DSCAML1: variants seen among roughly 807,000 people sequenced by gnomAD.
The protein encoded by DSCAML1 is DS cell adhesion molecule like 1.
A neutral mutation model predicts 200.5 loss-of-function variants in DSCAML1; 38 were observed. That is an observed-to-expected ratio of 0.19 (90% CI 0.15 to 0.25). DSCAML1 has a LOEUF of 0.25. Ranked by LOEUF, DSCAML1 falls within the 10% of genes least tolerant of loss-of-function variation. DSCAML1 has a pLI of 1.00. For missense variants in DSCAML1, 2,223 were observed against 2,858.8 expected, an observed-to-expected ratio of 0.78 and a Z score of 5.07; for synonymous variants, 1,215 against 1,165.0, an observed-to-expected ratio of 1.04 and a Z score of -0.87.
chr11:117,627,590 C>G (rs905913952), intron 3 of DSCAML1, among the ~76,000 whole-genome samples: 1 of 152,168 alleles, frequency 6.6e-6, no homozygotes, highest in Non-Finnish European at 1.5e-5. Flanking sequence ...TAAAGCCCGT[C>G]TGCTGCCCGT....
chr11:117,796,669 G>C (rs957883062), intron 1 of DSCAML1, among the ~76,000 whole-genome samples: 2 of 152,216 alleles, frequency 1.3e-5, no homozygotes, highest in Admixed American at 6.5e-5. Context: ...AGGACCCCTC[G>C]ACTCGGAGGG....
chr11:117,477,388 G>A (rs913627808), intron 14 of DSCAML1, among the ~76,000 whole-genome samples: 63 of 133,026 alleles, frequency 4.7e-4, no homozygotes, highest in Non-Finnish European at 6.7e-4. Context: ...GTGTGTGTGT[G>A]TGTATGTGTG....
chr11:117,449,214 G>A (rs1014016663), intron 20 of DSCAML1, among the ~76,000 whole-genome samples: 4 of 152,154 alleles, frequency 2.6e-5, no homozygotes, highest in Non-Finnish European at 5.9e-5. Flanking sequence ...GGGCAGGCGG[G>A]AGCTGGAAGG....
intron 23 of DSCAML1, 51 bp from the exon 24 acceptor site, chr11:117,439,034 G>A (rs1219801891): frequency 1.3e-6 from 2 of 1,520,676 alleles, no homozygotes; most frequent in South Asian, 1.2e-5. Flanking sequence ...CCCTGTGATG[G>A]GGTGTGGGGA....
At chr11:117,563,720 AATTG>A (rs1591269362) in intron 3 of DSCAML1, among the ~76,000 whole-genome samples, 1 of 152,116 alleles carries the variant, frequency 6.6e-6, no homozygotes, top group Non-Finnish European at 1.5e-5. Flanking sequence ...CTCAAAGCGG[AATTG>A]ATTGAGAAAA....
intron 18 of DSCAML1, among the ~76,000 whole-genome samples, chr11:117,460,389 G>A (rs558574058): frequency 7.2e-5 from 11 of 152,252 alleles, no homozygotes; most frequent in Admixed American, 2.6e-4. Context: ...AGAGGGGACC[G>A]TAGTAGCGCT....
At chr11:117,598,679 T>C (rs2051407385) in intron 3 of DSCAML1, among the ~76,000 whole-genome samples, 1 of 152,078 alleles carries the variant, frequency 6.6e-6, no homozygotes. Flanking sequence ...ATTTCAGGGT[T>C]TGGGCTGGGT....
At position 117,780,592 on chromosome 11, in the gene DSCAML1, G is replaced by C; in HGVS notation, c.265C>G (p.Pro89Ala). The C allele has an allele frequency of 1.9e-6, 3 of 1,584,758 alleles. No individual in the cohort carries two copies. The highest frequency in any genetic ancestry group is 2.6e-6 in the Non-Finnish European group (3 of 1,163,872). The change falls in exon 2 of 33, where the codon CCC becomes GCC. Residue 89 changes from proline to alanine, a missense_variant. By Grantham distance (27) the Pro-to-Ala change is conservative. Transcript: ENST00000651296. The surrounding 1 kb of genome is among the most constrained non-coding windows in gnomAD (Gnocchi z 4.8). ...TGGATAAAGCTATTGAAGGCGGAGG[G>C]GGAGAAGGGGTAGAGCTGCAGCGTC... Reference protein sequence around the residue: ...NGTLQLYPFSPSAFNSFIHDN... With the variant: ...NGTLQLYPFSASAFNSFIHDN...
chr11:117,484,056 G>A (rs1014785194), intron 11 of DSCAML1, among the ~76,000 whole-genome samples: 3 of 92,696 alleles, frequency 3.2e-5, no homozygotes, highest in Non-Finnish European at 6.6e-5. Flanking sequence ...CCCTGCCCCG[G>A]CACCGTGTCT....
chr11:117,440,920 CAAAAAAAAAA>C (rs1170541792), intron 21 of DSCAML1, among the ~76,000 whole-genome samples: 19 of 41,094 alleles, frequency 4.6e-4, no homozygotes, highest in African/African-American at 1.5e-3. Context: ...GACTCTGTCT[CAAAAAAAAAA>C]AAAAAAAAAA....
chr11:117,699,240 G>T (rs2053630352), intron 3 of DSCAML1, among the ~76,000 whole-genome samples: 1 of 152,212 alleles, frequency 6.6e-6, no homozygotes, highest in Non-Finnish European at 1.5e-5. Flanking sequence ...TACCCAAGGT[G>T]GCAGGGAAGC....
At chr11:117,431,216 G>A (rs1273775970) in intron 31 of DSCAML1, among the ~76,000 whole-genome samples, 183 bp from the exon 32 acceptor site, 2 of 152,170 alleles carry the variant, frequency 1.3e-5, no homozygotes, top group Non-Finnish European at 2.9e-5. Context: ...CTCATGAAGG[G>A]CAGAACACCT....
chr11:117,687,129 G>A (rs1004307573), intron 3 of DSCAML1, among the ~76,000 whole-genome samples: 1 of 152,172 alleles, frequency 6.6e-6, no homozygotes, highest in African/African-American at 2.4e-5. Flanking sequence ...GGATTTATAG[G>A]AGAGACAGGA....
intron 3 of DSCAML1, among the ~76,000 whole-genome samples, chr11:117,654,868 T>G (rs553597992): frequency 1.3e-5 from 2 of 152,084 alleles, no homozygotes; most frequent in South Asian, 4.2e-4. Flanking sequence ...AATGCTTTAT[T>G]CCGGGTACCC....
chr11:117,655,795 C>G (rs1167660039), intron 3 of DSCAML1, among the ~76,000 whole-genome samples: 1 of 152,196 alleles, frequency 6.6e-6, no homozygotes, highest in Non-Finnish European at 1.5e-5. Flanking sequence ...GACTTGGACT[C>G]GAAGGCAAGC....
intron 3 of DSCAML1, among the ~76,000 whole-genome samples, chr11:117,541,016 G>A (rs1172984339): frequency 6.6e-6 from 1 of 152,174 alleles, no homozygotes; most frequent in South Asian, 2.1e-4. Flanking sequence ...CTCCCCCAGC[G>A]ATTTAGAAGT....
intron 3 of DSCAML1, among the ~76,000 whole-genome samples, chr11:117,721,169 T>C (rs977727771): frequency 5.9e-5 from 9 of 152,230 alleles, no homozygotes; most frequent in Admixed American, 5.9e-4. Context: ...TACCATGTTC[T>C]GCACACTTGG....
intron 11 of DSCAML1, among the ~76,000 whole-genome samples, chr11:117,490,072 C>G (rs957618504): frequency 6.6e-6 from 1 of 152,232 alleles, no homozygotes; most frequent in East Asian, 1.9e-4. Context: ...TCCTTCTGCT[C>G]GTTGAGATGG....
At chr11:117,747,757 A>G (rs1227910499) in intron 3 of DSCAML1, among the ~76,000 whole-genome samples, 1 of 152,116 alleles carries the variant, frequency 6.6e-6, no homozygotes, top group Non-Finnish European at 1.5e-5. Context: ...ACAATACCCA[A>G]TCTCACAATC....
Sources: allele counts gnomAD v4.1 joint callset (sites outside exome capture counted in the v4.1 genomes callset), GRCh38; gene constraint gnomAD v4.1.1; non-coding constraint Gnocchi (gnomAD v3.1); transcripts MANE v1.5; gene names NCBI Gene and HGNC (gene_info 2026-07-23, HGNC 2026-07-21).